Variants in SLC9A9 observed in about 807,000 individuals in gnomAD.
SLC9A9 encodes the protein sodium/hydrogen exchanger 9.
A neutral mutation model predicts 77.8 loss-of-function variants in SLC9A9; 62 were observed. That is an observed-to-expected ratio of 0.80 (90% confidence interval 0.65 to 0.98). SLC9A9 has a LOEUF of 0.98. SLC9A9 is among the 50% of genes least tolerant of loss of function. The pLI is 0.00. For synonymous variants in SLC9A9, 320 were observed against 283.5 expected (o/e 1.13, Z -1.29); for missense variants, 775 against 774.9 (o/e 1.00, Z 0.00).
In SLC9A9 at chr3:143,727,917, C is replaced by T. The variant is rs6766650; in HGVS notation, c.534-34610G>A. ...TTATTGATGTCTATTTTGTGCCAGA[C>T]GCTATATAGAGTAGCTACCATGGCC... On this transcript the variant is annotated intron_variant, in intron 4 of 15. Coordinates refer to ENST00000316549, the MANE Select transcript of SLC9A9 (RefSeq NM_173653.4). 3.9e-5 allele frequency among the ~76,000 whole-genome samples: 6 copies of T among 152,306 alleles called. No homozygotes were observed. The East Asian group carries it at 5.8e-4, about 15-fold the overall frequency.
rs962528624 is a variant in SLC9A9, at chr3:143,762,246, C to T, written c.533+32755G>A. ...TAGGAGATATACCTAATGTAAATGA[C>T]GAGTTAATGGGTGCAGCACACCAAC... On this transcript the variant is annotated intron_variant, in intron 4 of 15. Transcript: ENST00000316549. Among the ~76,000 whole-genome samples, 4 of 152,038 alleles carry T rather than the reference C, an allele frequency of 2.6e-5. No homozygotes were observed. In the East Asian group the frequency reaches 5.8e-4, roughly 22 times the overall value.
At chr3:143,699,734 C>CTT (rs1933741884) in intron 4 of SLC9A9, among the ~76,000 whole-genome samples, 1 of 152,156 alleles carries the variant, frequency 6.6e-6, no homozygotes, top group Non-Finnish European at 1.5e-5. Context: ...CCTAAATAAA[C>CTT]TTGAAAGGCA....
At chr3:143,395,704 C>T (rs1037627205) in intron 12 of SLC9A9, among the ~76,000 whole-genome samples, 6 of 152,044 alleles carry the variant, frequency 3.9e-5, no homozygotes, top group Admixed American at 6.6e-5. Context: ...AGTCATCTGA[C>T]GAAGGGCTAA....
At chr3:143,280,384 A>C (rs1425526347) in intron 14 of SLC9A9, among the ~76,000 whole-genome samples, 1 of 148,728 alleles carries the variant, frequency 6.7e-6, no homozygotes, top group Non-Finnish European at 1.5e-5. Flanking sequence ...TGTTCAGGAG[A>C]CTTCAGAAAC....
chr3:143,424,661 G>A (rs953212428), intron 12 of SLC9A9, among the ~76,000 whole-genome samples: 6 of 152,086 alleles, frequency 3.9e-5, no homozygotes, highest in African/African-American at 1.4e-4. Context: ...ACTGTGCCCG[G>A]CCTGAAACCT....
intron 1 of SLC9A9, among the ~76,000 whole-genome samples, chr3:143,845,428 A>C (rs1367239084): frequency 6.6e-6 from 1 of 152,208 alleles, no homozygotes; most frequent in Non-Finnish European, 1.5e-5. Context: ...AGTTCCTAAT[A>C]AGCATTTAAG....
chr3:143,772,639 C>A (rs1290916835), intron 4 of SLC9A9, among the ~76,000 whole-genome samples: 1 of 152,192 alleles, frequency 6.6e-6, no homozygotes, highest in Non-Finnish European at 1.5e-5. Context: ...TAGATAAATA[C>A]CGCAGATGCC....
chr3:143,339,666 C>A (rs1246023876), intron 14 of SLC9A9, among the ~76,000 whole-genome samples: 1 of 152,086 alleles, frequency 6.6e-6, no homozygotes, highest in Non-Finnish European at 1.5e-5. Context: ...AGCTGGTGAA[C>A]AATAGTTAAT....
chr3:143,413,498 G>C (rs1036389362), intron 12 of SLC9A9, among the ~76,000 whole-genome samples: 1 of 152,176 alleles, frequency 6.6e-6, no homozygotes, highest in Non-Finnish European at 1.5e-5. Flanking sequence ...TGGGGCAGTG[G>C]GAGCCACTGT....
At chr3:143,523,020 A>T (rs538892195) in intron 9 of SLC9A9, among the ~76,000 whole-genome samples, 1 of 152,004 alleles carries the variant, frequency 6.6e-6, no homozygotes, top group African/African-American at 2.4e-5. Flanking sequence ...GTCATTGCTT[A>T]TTTTCATATG....
At chr3:143,336,135 A>G (rs1186314114) in intron 14 of SLC9A9, among the ~76,000 whole-genome samples, 1 of 152,214 alleles carries the variant, frequency 6.6e-6, no homozygotes, top group Non-Finnish European at 1.5e-5. Flanking sequence ...ATGCAAGTTA[A>G]CAAGCATATG....
intron 5 of SLC9A9, among the ~76,000 whole-genome samples, chr3:143,687,666 ATG>A (rs1199860231): frequency 6.6e-6 from 1 of 152,136 alleles, no homozygotes; most frequent in African/African-American, 2.4e-5. Flanking sequence ...AAATCATGGA[ATG>A]TTAGATCTAG....
intron 4 of SLC9A9, among the ~76,000 whole-genome samples, chr3:143,740,231 A>G (rs1482620415): frequency 2.6e-5 from 4 of 152,208 alleles, no homozygotes; most frequent in Admixed American, 2.0e-4. Flanking sequence ...GCTACTTTAG[A>G]CAAAAAAATG....
intron 11 of SLC9A9, among the ~76,000 whole-genome samples, chr3:143,479,191 G>C (rs1328928541): frequency 1.3e-5 from 2 of 152,160 alleles, no homozygotes; most frequent in African/African-American, 4.8e-5. Flanking sequence ...TTGTTGGGGT[G>C]GGGGCACAAT....
intron 1 of SLC9A9, among the ~76,000 whole-genome samples, chr3:143,834,625 A>T (rs1279169936): frequency 6.8e-6 from 1 of 147,820 alleles, no homozygotes; most frequent in East Asian, 2.0e-4. Flanking sequence ...ACAAGAAATA[A>T]ACATGAAGTG....
intron 4 of SLC9A9, among the ~76,000 whole-genome samples, chr3:143,782,823 CA>C (rs1254636549): frequency 6.6e-6 from 1 of 152,136 alleles, no homozygotes; most frequent in Non-Finnish European, 1.5e-5. Flanking sequence ...AGGGAACATA[CA>C]AAAGGATGGA....
Position 143,848,217 on chromosome 3 carries a change from A to G in SLC9A9, c.106T>C (p.Leu36=), listed in dbSNP as rs1357191817. 1.9e-6 allele frequency: 3 copies of G among 1,613,932 alleles called. No individual in the cohort carries two copies. Among genetic ancestry groups the G allele is most frequent in the Non-Finnish European group, 2.5e-6 (3 of 1,179,950 alleles). ...TGATTTTTAAATAACCAGATTGTCA[A>G]AATGGTAAGGATGAGCAAAAAATTG... ...VFNFLLILTI[L]TIWLFKNHRF... The change falls in exon 1 of 16, where the codon TTG becomes CTG. Residue 36 remains leucine (L), a synonymous_variant. Coordinates refer to ENST00000316549, the MANE Select transcript of SLC9A9 (RefSeq NM_173653.4).
At chr3:143,557,927 A>T (rs2037015602) in intron 8 of SLC9A9, among the ~76,000 whole-genome samples, 1 of 152,264 alleles carries the variant, frequency 6.6e-6, no homozygotes, top group African/African-American at 2.4e-5. Context: ...ATGAGAAGCC[A>T]AATGTTAATC....
intron 14 of SLC9A9, among the ~76,000 whole-genome samples, chr3:143,311,790 C>T (rs1229613609): frequency 1.3e-5 from 2 of 152,190 alleles, no homozygotes; most frequent in African/African-American, 4.8e-5. Flanking sequence ...GTGTGATTCT[C>T]ACATACTTTG....
Sources: allele counts gnomAD v4.1 joint callset (sites outside exome capture counted in the v4.1 genomes callset), GRCh38; gene constraint gnomAD v4.1.1; transcripts MANE v1.5; gene names NCBI Gene and HGNC (gene_info 2026-07-23, HGNC 2026-07-21).